Variants in ACTL6A observed in about 807,000 individuals in gnomAD.
ACTL6A encodes the protein actin-like protein 6A.
ACTL6A carries 5 observed loss-of-function variants against 59.2 expected under a neutral mutation model. The ratio of observed to expected loss-of-function variants is 0.08; its 90% CI spans 0.04 to 0.18. The LOEUF (loss-of-function observed/expected upper bound fraction) is 0.18, where lower values mean the gene tolerates loss of function less well. ACTL6A is among the 10% of genes least tolerant of loss of function. The probability of loss-of-function intolerance (pLI) is 1.00; values close to 1 mark genes in which losing one functional copy is unlikely to be tolerated. For synonymous variants in ACTL6A, 154 were observed against 171.8 expected, an observed-to-expected ratio of 0.90 and a Z score of 0.81; for missense variants, 285 against 526.9, an observed-to-expected ratio of 0.54 and a Z score of 4.49.
intron 1 of ACTL6A, 58 bp downstream of exon 1, chr3:179,563,175 C>T (rs1359853050): frequency 2.5e-6 from 4 of 1,568,684 alleles, no homozygotes; most frequent in African/African-American, 2.7e-5. Flanking sequence ...GGTTTGTAAC[C>T]GCCGCTCCCA....
intron 11 of ACTL6A, among the ~76,000 whole-genome samples, chr3:179,581,636 A>C (rs1030452691): frequency 6.6e-6 from 1 of 152,224 alleles, no homozygotes; most frequent in Non-Finnish European, 1.5e-5. Flanking sequence ...TGATTTTCTT[A>C]CAGATAGCAC....
intron 12 of ACTL6A, among the ~76,000 whole-genome samples, chr3:179,585,638 C>A (rs1401405130): frequency 6.6e-6 from 1 of 152,178 alleles, no homozygotes; most frequent in Non-Finnish European, 1.5e-5. Context: ...ATACTCTACC[C>A]ACCCTTGCTG....
At chr3:179,567,944 C>T (rs1054479657) in intron 1 of ACTL6A, among the ~76,000 whole-genome samples, 4 of 151,980 alleles carry the variant, frequency 2.6e-5, no homozygotes, top group South Asian at 2.1e-4. Flanking sequence ...GAGGCCAAGG[C>T]GGGTGGATCA....
chr3:179,583,519 A>G, intron 12 of ACTL6A, 71 bp downstream of exon 12: 1 of 1,218,904 alleles, frequency 8.2e-7, no homozygotes, highest in Non-Finnish European at 1.2e-6. Flanking sequence ...AATTTTGTAG[A>G]TAAGCGTCCA....
At chr3:179,573,661 TAAATA>T (rs1292384810) in intron 4 of ACTL6A, among the ~76,000 whole-genome samples, 192 bp downstream of exon 4, 1 of 152,184 alleles carries the variant, frequency 6.6e-6, no homozygotes, top group Non-Finnish European at 1.5e-5. Context: ...ACTATTCCAA[TAAATA>T]AAATATCCAG....
chr3:179,573,180 G>C lies in ACTL6A; in HGVS notation c.278-189G>C, dbSNP rs945962485. On this transcript the variant is annotated intron_variant, in intron 3 of 13. Transcript: ENST00000429709. ...GTCTGGGGGCTGGAGGGACCAAAAA[G>C]AAGTTCTATATATCTAGAAGGCAAA... The C allele has an allele frequency of 3.2e-5, 14 of 440,816 alleles. 1 individual carries two copies. Among genetic ancestry groups the C allele is most frequent in the South Asian group, 5.8e-5 (1 of 17,128 alleles). The allele number at this position is 440,816 out of a possible 1,614,324, so 27.3% of individuals were successfully genotyped here. A position where few individuals can be genotyped will look rare whatever the true frequency, so the allele number is the denominator to read the frequency against.
Position 179,576,260 on chromosome 3 carries a change from G to A in ACTL6A, c.520G>A (p.Ala174Thr). 2 of 1,613,460 alleles carry A rather than the reference G, an allele frequency of 1.2e-6. No individual in the cohort carries two copies. The highest frequency in any genetic ancestry group is 1.7e-6 in the Non-Finnish European group (2 of 1,179,806). Residue 174 changes from alanine to threonine, a missense_variant, in exon 6 of 14, where the codon GCC (alanine) becomes ACC (threonine). Physicochemically the swap from Ala to Thr is moderately conservative, Grantham distance 58. Transcript: ENST00000429709. ...TACTGGGCTGATTTTGGACAGTGGAGCCACTCATACCACTGCAATTCCAGT... is the reference window on the plus strand; with the variant it reads ...TACTGGGCTGATTTTGGACAGTGGAACCACTCATACCACTGCAATTCCAGT... Reference protein sequence around the residue: ...RSTGLILDSGATHTTAIPVHD... With the variant: ...RSTGLILDSGTTHTTAIPVHD...
chr3:179,562,929 T>C lies in ACTL6A; in HGVS notation c.-164T>C. On this transcript the variant is annotated 5_prime_UTR_variant, in exon 1 of 14. Coordinates refer to ENST00000429709, the MANE Select transcript of ACTL6A (RefSeq NM_004301.5). ...TTGGCTGATAGGAGGAGCCAGCAAG[T>C]GTGGCTGAGCTCCGGGGTGTGTGGA... The C allele has an allele frequency of 2.4e-6, 2 of 834,640 alleles. No individual in the cohort carries two copies. Among genetic ancestry groups the C allele is most frequent in the East Asian group, 2.7e-5 (1 of 37,632 alleles). 51.7% of individuals were successfully genotyped at this position (834,640 alleles called of 1,614,324 possible). A position where few individuals can be genotyped will look rare whatever the true frequency, so the allele number is the denominator to read the frequency against.
intron 4 of ACTL6A, 79 bp from the exon 5 acceptor site, chr3:179,574,291 A>G (rs1226200185): frequency 6.2e-6 from 5 of 807,038 alleles, no homozygotes; most frequent in Non-Finnish European, 1.1e-5. Context: ...CTTTGTTAAT[A>G]TAGTGCTAGA....
intron 1 of ACTL6A, 30 bp from the exon 2 acceptor site, chr3:179,569,794 G>A: frequency 6.3e-7 from 1 of 1,599,234 alleles, no homozygotes. Flanking sequence ...TTTGCAAGCT[G>A]TTAATGCTAA....
At chr3:179,584,931 C>T (rs1057223822) in intron 12 of ACTL6A, among the ~76,000 whole-genome samples, 2 of 152,144 alleles carry the variant, frequency 1.3e-5, no homozygotes, top group African/African-American at 2.4e-5. Flanking sequence ...CTTTTAGCTT[C>T]CCATATAAAA....
intron 8 of ACTL6A, among the ~76,000 whole-genome samples, chr3:179,577,933 G>A (rs954733278): frequency 6.6e-6 from 1 of 151,948 alleles, no homozygotes; most frequent in African/African-American, 2.4e-5. Flanking sequence ...ATTGTGAATA[G>A]TGGTGCAGTG....
chr3:179,585,075 A>T (rs1718444460), intron 12 of ACTL6A, among the ~76,000 whole-genome samples: 1 of 152,110 alleles, frequency 6.6e-6, no homozygotes, highest in East Asian at 1.9e-4. Flanking sequence ...ACTAATCATT[A>T]GATTGATTGA....
intron 8 of ACTL6A, 38 bp from the exon 9 acceptor site, chr3:179,580,602 T>C (rs750772476): frequency 7.0e-7 from 1 of 1,424,128 alleles, no homozygotes; most frequent in East Asian, 2.3e-5. Context: ...CAAAGATAAA[T>C]CTCAACCTTG....
chr3:179,574,593 G>C, intron 5 of ACTL6A, 126 bp downstream of exon 5: 2 of 699,148 alleles, frequency 2.9e-6, no homozygotes. Context: ...CTTTTCTCTT[G>C]CTTTTTAGCT....
At position 179,580,978 on chromosome 3, in the gene ACTL6A, A is replaced by G. The variant is rs1718322602; in HGVS notation, c.915A>G (p.Pro305=). The G allele has an allele frequency of 6.3e-7, 1 of 1,586,030 alleles. No individual in the cohort carries two copies. Residue 305 remains proline, a synonymous_variant, in exon 10 of 14, where the codon CCA becomes CCG. Coordinates refer to ENST00000429709, the MANE Select transcript of ACTL6A (RefSeq NM_004301.5). The stretch of plus-strand genomic sequence containing the variant: ...TTGGTGCAGAGCGGCTAAAGATTCC[A>G]GAAGGATTATTTGACCCTTCCAATG... ...CDFGAERLKI[P]EGLFDPSNVK...
At chr3:179,567,191 C>A (rs1321073397) in intron 1 of ACTL6A, among the ~76,000 whole-genome samples, 1 of 152,072 alleles carries the variant, frequency 6.6e-6, no homozygotes, top group Non-Finnish European at 1.5e-5. Flanking sequence ...CATGGTGAAA[C>A]CCCATGTCTA....
chr3:179,566,906 G>T (rs1717853641), intron 1 of ACTL6A, among the ~76,000 whole-genome samples: 1 of 151,900 alleles, frequency 6.6e-6, no homozygotes, highest in Admixed American at 6.6e-5. Context: ...GGCCAGGATG[G>T]TCTTGATCTC....
At chr3:179,583,193 G>A in intron 11 of ACTL6A, 160 bp from the exon 12 acceptor site, 2 of 485,282 alleles carry the variant, frequency 4.1e-6, no homozygotes, top group East Asian at 3.6e-5. Context: ...CAGCCAGGAT[G>A]GAGAATTGAT....
Sources: gnomAD v4.1 joint callset for allele counts (sites outside exome capture counted in the v4.1 genomes callset) on GRCh38, gnomAD v4.1.1 for gene constraint, MANE v1.5 for transcripts, NCBI Gene and HGNC (gene_info 2026-07-23, HGNC 2026-07-21) for gene names.